The following LRRC8C variants were observed in gnomAD, a reference collection of about 807,000 sequenced individuals.
LRRC8C encodes the protein volume-regulated anion channel subunit LRRC8C.
LRRC8C carries 20 observed loss-of-function variants against 55.3 expected under a neutral mutation model. The observed-to-expected ratio is 0.36, with a 90% CI of 0.25 to 0.53. The LOEUF (loss-of-function observed/expected upper bound fraction) is 0.53. LRRC8C is among the 20% of genes least tolerant of loss of function. LRRC8C has a pLI of 0.92. For synonymous variants in LRRC8C, 376 were observed against 360.7 expected, an observed-to-expected ratio of 1.04 and a Z score of -0.48; for missense variants, 659 against 951.4, an observed-to-expected ratio of 0.69 and a Z score of 4.04.
intron 1 of LRRC8C, among the ~76,000 whole-genome samples, chr1:89,684,727 ATGTAT>A (rs1194850255): frequency 6.6e-6 from 1 of 152,252 alleles, no homozygotes; most frequent in African/African-American, 2.4e-5. Flanking sequence ...ATACAAAGTA[ATGTAT>A]TGAGCTTTTG....
intron 2 of LRRC8C, 111 bp from the exon 3 acceptor site, chr1:89,712,598 A>G: frequency 1.4e-6 from 1 of 720,588 alleles, no homozygotes; most frequent in Non-Finnish European, 2.4e-6. Context: ...TGTATTCTCC[A>G]GGCAGAGGAA....
At chr1:89,621,394 A>G in the LRRC8C span, among the ~76,000 whole-genome samples, 11 of 151,430 alleles carry the variant, frequency 7.3e-5, no homozygotes, top group East Asian at 7.8e-4. Flanking sequence ...GCGTGAACCC[A>G]GGAGGCGGAG....
chr1:89,656,511 T>C (rs1159647618), intron 1 of LRRC8C, among the ~76,000 whole-genome samples: 6 of 152,180 alleles, frequency 3.9e-5, no homozygotes, highest in Non-Finnish European at 7.3e-5. Flanking sequence ...CTAGTAGAAA[T>C]GCACATTTGA....
the LRRC8C span, among the ~76,000 whole-genome samples, chr1:89,623,805 G>A: frequency 6.6e-6 from 1 of 152,194 alleles, no homozygotes; most frequent in Non-Finnish European, 1.5e-5. Flanking sequence ...GATTCAGAGA[G>A]GGAGGGTAGA....
At chr1:89,640,667 A>G (rs1296530067) in intron 1 of LRRC8C, among the ~76,000 whole-genome samples, 1 of 152,228 alleles carries the variant, frequency 6.6e-6, no homozygotes, top group Non-Finnish European at 1.5e-5. Flanking sequence ...TAGTTAGTGC[A>G]CTGCTATGTG....
Position 89,655,999 on chromosome 1 carries a change from G to A in LRRC8C, c.-5+22677G>A, listed in dbSNP as rs370899512. Among the ~76,000 whole-genome samples, 39 of 152,310 alleles carry A rather than the reference G, an allele frequency of 2.6e-4. 1 individual carries two copies. Among genetic ancestry groups the A allele is most frequent in the African/African-American group, 9.1e-4 (38 of 41,576 alleles). On this transcript the variant is annotated intron_variant, in intron 1 of 2. Coordinates refer to ENST00000370454, the MANE Select transcript of LRRC8C (RefSeq NM_032270.5). ...CATGTACTTTATTATTACGTAAAAA[G>A]GAGAGGCTAAATACTGGAAAACAAG... is the stretch of plus-strand genomic sequence containing the variant.
exon 3 of LRRC8C, chr1:89,719,528 TTAAAA>T (rs1482764531): frequency 3.9e-5 from 6 of 152,220 alleles, no homozygotes; most frequent in African/African-American, 1.4e-4. Flanking sequence ...TTTTTATAAC[TTAAAA>T]TAGATATTTG....
chr1:89,620,673 T>C, the LRRC8C span, among the ~76,000 whole-genome samples: 1 of 152,062 alleles, frequency 6.6e-6, no homozygotes, highest in African/African-American at 2.4e-5. Context: ...CAGGTTTAAA[T>C]CCAGGTAAAT....
intron 2 of LRRC8C, among the ~76,000 whole-genome samples, chr1:89,689,162 T>A (rs1657960413): frequency 6.6e-6 from 1 of 152,232 alleles, no homozygotes; most frequent in African/African-American, 2.4e-5. Flanking sequence ...AAATGAAGTT[T>A]ATGATAATCT....
At chr1:89,622,127 T>C in the LRRC8C span, among the ~76,000 whole-genome samples, 1 of 152,138 alleles carries the variant, frequency 6.6e-6, no homozygotes, top group East Asian at 1.9e-4. Flanking sequence ...TACTGTGATG[T>C]TTTAAGATAG....
chr1:89,635,181 AC>A (rs1234598612), intron 1 of LRRC8C, among the ~76,000 whole-genome samples: 5 of 152,206 alleles, frequency 3.3e-5, no homozygotes, highest in Non-Finnish European at 5.9e-5. Flanking sequence ...CTTTTAAAAA[AC>A]AATACAAAGT....
At chr1:89,672,686 C>T (rs1045945955) in intron 1 of LRRC8C, among the ~76,000 whole-genome samples, 3 of 152,138 alleles carry the variant, frequency 2.0e-5, no homozygotes, top group Non-Finnish European at 2.9e-5. Context: ...GTCTTTCTCA[C>T]GATAATCCCA....
At chr1:89,686,393 T>C in intron 1 of LRRC8C, 77 bp from the exon 2 acceptor site, 1 of 1,503,282 alleles carries the variant, frequency 6.7e-7, no homozygotes, top group Non-Finnish European at 9.1e-7. Flanking sequence ...TGTGAGGAGT[T>C]GGAGCCACAT....
At chr1:89,712,487 C>G (rs1658677844) in intron 2 of LRRC8C, among the ~76,000 whole-genome samples, 1 of 152,018 alleles carries the variant, frequency 6.6e-6, no homozygotes, top group Admixed American at 6.6e-5. Flanking sequence ...CCTGAAAAAA[C>G]ACTGTTTTAT....
chr1:89,620,560 G>A, the LRRC8C span, among the ~76,000 whole-genome samples: 1 of 130,090 alleles, frequency 7.7e-6, no homozygotes, highest in Non-Finnish European at 1.6e-5. Context: ...GAACTGCAAA[G>A]TTCGGGAAGA....
At chr1:89,650,025 A>G (rs912798482) in intron 1 of LRRC8C, among the ~76,000 whole-genome samples, 4 of 152,198 alleles carry the variant, frequency 2.6e-5, no homozygotes, top group Non-Finnish European at 4.4e-5. Flanking sequence ...TAGGTATTCA[A>G]AGGACTCACT....
chr1:89,680,177 A>T (rs1343875958), intron 1 of LRRC8C, among the ~76,000 whole-genome samples: 14 of 151,298 alleles, frequency 9.3e-5, no homozygotes, highest in Admixed American at 8.6e-4. Context: ...TCCTGGGTTC[A>T]CACCATTCTC....
chr1:89,632,431 A>C (rs1656131752), upstream of LRRC8C, among the ~76,000 whole-genome samples: 1 of 152,180 alleles, frequency 6.6e-6, no homozygotes. Context: ...CCGGCCTGAA[A>C]GGAGACTTGG....
upstream of LRRC8C, chr1:89,629,575 G>C (rs1259208064): frequency 6.6e-6 from 1 of 152,208 alleles, no homozygotes. Context: ...TTTAGAGCCT[G>C]TAGTATAATA....
Sources: allele counts gnomAD v4.1 joint callset (sites outside exome capture counted in the v4.1 genomes callset), GRCh38; gene constraint gnomAD v4.1.1; transcripts MANE v1.5; gene names NCBI Gene and HGNC (gene_info 2026-07-23, HGNC 2026-07-21).